Variants in SDK1 observed in about 807,000 individuals in gnomAD.
SDK1 encodes the protein sidekick cell adhesion molecule 1.
SDK1 carries 157 observed loss-of-function variants against 245.5 expected under a neutral mutation model. That is an observed-to-expected ratio of 0.64 (90% confidence interval 0.56 to 0.73). SDK1 has a LOEUF of 0.73. Among genes scored for constraint, SDK1 ranks in the 30% least tolerant of loss-of-function variants. The pLI is 0.00. For missense variants in SDK1, 3,583 were observed against 3,002.3 expected (o/e 1.19, Z -4.52); for synonymous variants, 1,647 against 1,278.5 (o/e 1.29, Z -6.15).
intron 4 of SDK1, among the ~76,000 whole-genome samples, chr7:3,677,157 C>A (rs746086943): frequency 7.9e-5 from 12 of 152,122 alleles, no homozygotes; most frequent in Non-Finnish European, 2.9e-5. Flanking sequence ...CTTGGAATTT[C>A]CAACTCTCCC....
intron 7 of SDK1, among the ~76,000 whole-genome samples, chr7:3,957,649 C>T (rs986907384): frequency 6.6e-6 from 1 of 152,140 alleles, no homozygotes; most frequent in Admixed American, 6.5e-5. Context: ...CACAAGGGCC[C>T]TGACAGCAGG....
At chr7:3,778,150 A>G (rs1046800617) in intron 4 of SDK1, among the ~76,000 whole-genome samples, 5 of 152,214 alleles carry the variant, frequency 3.3e-5, no homozygotes, top group Non-Finnish European at 5.9e-5. Context: ...TGTAGCAACC[A>G]GTAGTGTATA....
In SDK1 at chr7:3,834,586, G is replaced by A. The variant is rs183441511; in HGVS notation, c.847+13003G>A. On this transcript the variant is annotated intron_variant, in intron 5 of 44. Transcript: ENST00000404826. ...GGGTAGAACAGCACTGTCTATGACC[G>A]GGAACTGCCATAACCACCGTCCTTT... is the stretch of plus-strand genomic sequence containing the variant. 4.3e-3 allele frequency among the ~76,000 whole-genome samples: 657 copies of A among 152,242 alleles called. 6 individuals carry two copies. Among genetic ancestry groups the A allele is most frequent in the African/African-American group, 0.015 (617 of 41,538 alleles).
chr7:3,783,585 A>G (rs1326120690), intron 4 of SDK1, among the ~76,000 whole-genome samples: 1 of 152,206 alleles, frequency 6.6e-6, no homozygotes, highest in African/African-American at 2.4e-5. Flanking sequence ...TGAACTATCT[A>G]AAAGGTTATC....
intron 1 of SDK1, among the ~76,000 whole-genome samples, chr7:3,311,159 A>G (rs555607252): frequency 6.6e-6 from 1 of 152,162 alleles, no homozygotes; most frequent in Non-Finnish European, 1.5e-5. Flanking sequence ...CTGGGATACA[A>G]CCTGGATAAA....
chr7:4,018,613 G>T (rs536798588), intron 17 of SDK1, among the ~76,000 whole-genome samples: 1 of 152,280 alleles, frequency 6.6e-6, no homozygotes, highest in South Asian at 2.1e-4. Flanking sequence ...GACTCATATT[G>T]CTATTAGTAA....
intron 1 of SDK1, among the ~76,000 whole-genome samples, chr7:3,359,456 C>T (rs1232333568): frequency 1.3e-5 from 2 of 152,202 alleles, no homozygotes; most frequent in Non-Finnish European, 2.9e-5. Flanking sequence ...AGGAACTGTA[C>T]TAGCAGGCTA....
intron 1 of SDK1, among the ~76,000 whole-genome samples, chr7:3,616,339 G>A (rs1781771105): frequency 6.6e-6 from 1 of 152,204 alleles, no homozygotes; most frequent in South Asian, 2.1e-4. Flanking sequence ...GCAACGATGA[G>A]GTGGGAACCA....
chr7:4,070,541 T>C (rs945445024), intron 20 of SDK1, among the ~76,000 whole-genome samples: 1 of 151,962 alleles, frequency 6.6e-6, no homozygotes, highest in Non-Finnish European at 1.5e-5. Context: ...GTTCCTACAG[T>C]GACCTCTTTC....
At chr7:4,128,968 C>T (rs1299622921) in intron 26 of SDK1, among the ~76,000 whole-genome samples, 2 of 127,542 alleles carry the variant, frequency 1.6e-5, no homozygotes, top group African/African-American at 6.0e-5. Context: ...GGGTGGGGTC[C>T]CCTGGAGGAG....
intron 5 of SDK1, 42 bp downstream of exon 5, chr7:3,821,625 A>C: frequency 6.2e-7 from 1 of 1,603,186 alleles, no homozygotes; most frequent in Non-Finnish European, 8.5e-7. Flanking sequence ...CAAGCAATAA[A>C]ATCTTGCTTT....
rs541801978 is a variant in SDK1, at chr7:3,804,142, C to T, written c.714-17308C>T. Among the ~76,000 whole-genome samples the T allele has an allele frequency of 2.6e-3, 401 of 152,262 alleles. 3 individuals are homozygous for T. Among genetic ancestry groups the T allele is most frequent in the African/African-American group, 9.4e-3 (391 of 41,544 alleles). ...AAGTCCAATTGACTGAATTTTTTAA[C>T]TCATGAATTATGCTTTTGCTGTCAT... is the stretch of plus-strand genomic sequence containing the variant. On this transcript the variant is annotated intron_variant, in intron 4 of 44. Coordinates refer to ENST00000404826, the MANE Select transcript of SDK1 (RefSeq NM_152744.4).
At chr7:4,044,194 G>C (rs1465519459) in intron 17 of SDK1, among the ~76,000 whole-genome samples, 2 of 152,218 alleles carry the variant, frequency 1.3e-5, no homozygotes, top group Admixed American at 6.5e-5. Context: ...TGGCGCCATG[G>C]CTAGGAAAGC....
intron 4 of SDK1, among the ~76,000 whole-genome samples, chr7:3,646,044 A>C (rs562427206): frequency 6.6e-6 from 1 of 152,162 alleles, no homozygotes; most frequent in East Asian, 1.9e-4. Flanking sequence ...TTTTTAGTAG[A>C]GATGGGGTTT....
chr7:4,097,784 G>T (rs779251169), intron 22 of SDK1, among the ~76,000 whole-genome samples: 1 of 152,076 alleles, frequency 6.6e-6, no homozygotes, highest in Admixed American at 6.6e-5. Context: ...TCAGCATTTC[G>T]GTCATAATAA....
intron 14 of SDK1, among the ~76,000 whole-genome samples, chr7:4,003,947 C>G (rs1785267768): frequency 6.6e-6 from 1 of 152,242 alleles, no homozygotes; most frequent in African/African-American, 2.4e-5. Context: ...AAGCCCTTAA[C>G]TTTGCAGCTT....
rs1353125547 is a variant in SDK1, at chr7:3,723,941, TATAGAG to T, written c.713+81838_713+81843del. Among the ~76,000 whole-genome samples the T allele has an allele frequency of 2.7e-3, 304 of 111,354 alleles. 17 individuals carry two copies. The highest frequency in any genetic ancestry group is 6.2e-3 in the African/African-American group (176 of 28,426). 73.1% of individuals were successfully genotyped at this position (111,354 alleles called of 152,430 possible). On this transcript the variant is annotated intron_variant, in intron 4 of 44. Coordinates refer to ENST00000404826, the MANE Select transcript of SDK1 (RefSeq NM_152744.4). The stretch of plus-strand genomic sequence containing the variant: ...ATATACACGTATATATATATATATA[TATAGAG>T]AGAGAGAGAGAGAGAGAGAGAGAGA...
chr7:3,681,086 A>C (rs1755987607), intron 4 of SDK1, among the ~76,000 whole-genome samples: 1 of 152,184 alleles, frequency 6.6e-6, no homozygotes, highest in Middle Eastern at 3.4e-3. Context: ...CTTGTGATCC[A>C]CTGCCTCAGC....
chr7:3,924,377 G>A lies in SDK1; in HGVS notation c.848-26546G>A, dbSNP rs112486726. Among the ~76,000 whole-genome samples the A allele has an allele frequency of 4.9e-3, 743 of 152,260 alleles. 8 individuals are homozygous for A. The highest frequency in any genetic ancestry group is 0.017 in the African/African-American group (710 of 41,542). On this transcript the variant is annotated intron_variant, in intron 5 of 44. Coordinates refer to ENST00000404826, the MANE Select transcript of SDK1 (RefSeq NM_152744.4). Reference sequence around the variant, plus strand: ...AGACATCAAATTGTGTTTGACTTGGGCAGAAGGATGGCACTGGATGAGTGA... The same window carrying A: ...AGACATCAAATTGTGTTTGACTTGGACAGAAGGATGGCACTGGATGAGTGA...
Sources: allele counts gnomAD v4.1 joint callset (sites outside exome capture counted in the v4.1 genomes callset), GRCh38; gene constraint gnomAD v4.1.1; transcripts MANE v1.5; gene names NCBI Gene and HGNC (gene_info 2026-07-23, HGNC 2026-07-21).